The following ZFAT variants were observed in gnomAD, a reference collection of about 807,000 sequenced individuals.
ZFAT encodes the protein zinc finger protein ZFAT.
Under a neutral mutation model 117.7 loss-of-function variants are expected in ZFAT, and 64 were observed. That is an observed-to-expected ratio of 0.54 (90% CI 0.44 to 0.67). ZFAT has a LOEUF of 0.67. ZFAT is among the 30% of genes least tolerant of loss of function. The probability of loss-of-function intolerance (pLI) is 0.00; values close to 1 mark genes in which losing one functional copy is unlikely to be tolerated. For synonymous variants in ZFAT, 679 were observed against 615.0 expected, an observed-to-expected ratio of 1.10 and a Z score of -1.54; for missense variants, 1,433 against 1,584.5, an observed-to-expected ratio of 0.90 and a Z score of 1.62.
chr8:134,671,331 G>A (rs1436069815), intron 1 of ZFAT, among the ~76,000 whole-genome samples: 4 of 152,188 alleles, frequency 2.6e-5, no homozygotes, highest in African/African-American at 9.7e-5. Context: ...TATCCCTGAT[G>A]AACATCGATG....
intron 1 of ZFAT, among the ~76,000 whole-genome samples, chr8:134,659,154 C>A (rs532356812): frequency 4.6e-5 from 7 of 152,348 alleles, no homozygotes; most frequent in African/African-American, 1.4e-4. Flanking sequence ...ACAAGCTCTG[C>A]GCTCTCTGGT....
At chr8:134,630,019 C>A (rs1829778299) in intron 3 of ZFAT, among the ~76,000 whole-genome samples, 3 of 152,100 alleles carry the variant, frequency 2.0e-5, no homozygotes, top group Admixed American at 1.3e-4. Context: ...GCAACACCGA[C>A]AAGAAAGCAA....
chr8:134,774,049 G>T, the ZFAT span, among the ~76,000 whole-genome samples: 2 of 132,194 alleles, frequency 1.5e-5, no homozygotes, highest in African/African-American at 5.8e-5. Context: ...AGGCTGGAGT[G>T]CAGCGGCACG....
chr8:134,566,743 C>T (rs1824499295), intron 10 of ZFAT, among the ~76,000 whole-genome samples: 1 of 152,186 alleles, frequency 6.6e-6, no homozygotes, highest in Non-Finnish European at 1.5e-5. Context: ...GCCAGCTCAC[C>T]TGGAAACCTG....
At chr8:134,752,114 A>C in the ZFAT span, among the ~76,000 whole-genome samples, 1 of 152,132 alleles carries the variant, frequency 6.6e-6, no homozygotes. Context: ...CTTCATTCCT[A>C]GTGCTTTGCA....
intron 1 of ZFAT, among the ~76,000 whole-genome samples, chr8:134,660,132 T>A (rs756645584): frequency 3.9e-5 from 6 of 152,206 alleles, no homozygotes; most frequent in South Asian, 2.1e-4. Flanking sequence ...TTCTTGCTAA[T>A]CCTACAATAA....
At chr8:134,683,913 T>C (rs150140783) in intron 1 of ZFAT, among the ~76,000 whole-genome samples, 75 of 151,964 alleles carry the variant, frequency 4.9e-4, no homozygotes, top group African/African-American at 1.8e-3. Flanking sequence ...TCAAATAAGA[T>C]TTTTCTGGGA....
chr8:134,608,079 T>C (rs958789804), intron 5 of ZFAT, among the ~76,000 whole-genome samples: 2 of 152,194 alleles, frequency 1.3e-5, no homozygotes, highest in Admixed American at 6.5e-5. Flanking sequence ...TACATCCACA[T>C]AATAGCAAAC....
At chr8:134,663,566 G>A (rs891201053) in intron 1 of ZFAT, among the ~76,000 whole-genome samples, 6 of 151,976 alleles carry the variant, frequency 3.9e-5, no homozygotes, top group South Asian at 2.1e-4. Context: ...GTGAAACCCC[G>A]TCTCCACTAA....
the ZFAT span, among the ~76,000 whole-genome samples, chr8:134,728,982 G>T: frequency 4.0e-5 from 6 of 151,654 alleles, no homozygotes; most frequent in African/African-American, 1.5e-4. Context: ...TTTTGAAATT[G>T]TGGCAATATA....
the ZFAT span, chr8:134,792,511 C>T: frequency 6.6e-6 from 1 of 152,122 alleles, no homozygotes; most frequent in Non-Finnish European, 1.5e-5. Flanking sequence ...CCAAGAGTAT[C>T]AACTAATTTA....
chr8:134,543,720 G>A (rs978268015), intron 11 of ZFAT, among the ~76,000 whole-genome samples: 4 of 151,818 alleles, frequency 2.6e-5, no homozygotes, highest in African/African-American at 9.7e-5. Context: ...AGTGAAACAT[G>A]CCACTGACTG....
intron 2 of ZFAT, among the ~76,000 whole-genome samples, chr8:134,640,701 C>T (rs112870101): frequency 0.013 from 2,048 of 152,288 alleles, 21 homozygotes; most frequent in Non-Finnish European, 0.02. Flanking sequence ...ACCTCAAACA[C>T]GATGGTGACA....
chr8:134,791,932 G>A, the ZFAT span: 106 of 152,304 alleles, frequency 7.0e-4, no homozygotes, highest in African/African-American at 2.5e-3. Context: ...CTGTCTTAGA[G>A]TTCTCTGTTA....
chr8:134,604,155 A>C (rs145548428), intron 5 of ZFAT, among the ~76,000 whole-genome samples: 8 of 152,170 alleles, frequency 5.3e-5, no homozygotes, highest in Admixed American at 3.3e-4. Context: ...ATAATTATTG[A>C]GTATGTGTAG....
chr8:134,663,004 A>G (rs1832009765), intron 1 of ZFAT, among the ~76,000 whole-genome samples: 1 of 152,278 alleles, frequency 6.6e-6, no homozygotes, highest in Admixed American at 6.5e-5. Context: ...ACAGACACGC[A>G]CAAGGGTGGT....
intron 11 of ZFAT, among the ~76,000 whole-genome samples, chr8:134,562,693 C>CA (rs1487972841): frequency 6.6e-6 from 1 of 152,178 alleles, no homozygotes; most frequent in Non-Finnish European, 1.5e-5. Context: ...AGGTCCAGCT[C>CA]AGTGCAGCAG....
intron 1 of ZFAT, among the ~76,000 whole-genome samples, chr8:134,676,661 T>C (rs1052944623): frequency 1.3e-5 from 2 of 152,118 alleles, no homozygotes; most frequent in Admixed American, 1.3e-4. Flanking sequence ...CAGCACCACA[T>C]TACACTTATT....
chr8:134,653,270 T>TTTA (rs1554615159), intron 2 of ZFAT, among the ~76,000 whole-genome samples: 61 of 91,884 alleles, frequency 6.6e-4, no homozygotes, highest in African/African-American at 2.4e-3. Context: ...ATGTCTTTTT[T>TTTA]AAAAAAAAAA....
Sources: allele counts gnomAD v4.1 joint callset (sites outside exome capture counted in the v4.1 genomes callset), GRCh38; gene constraint gnomAD v4.1.1; transcripts MANE v1.5; gene names NCBI Gene and HGNC (gene_info 2026-07-23, HGNC 2026-07-21).